Variants in DLGAP2 observed in about 807,000 individuals in gnomAD.
The protein encoded by DLGAP2 is disks large-associated protein 2.
In DLGAP2, 26 loss-of-function variants were observed where a neutral mutation model predicts 100.3. The ratio of observed to expected loss-of-function variants is 0.26; its 90% confidence interval spans 0.19 to 0.36. The LOEUF (loss-of-function observed/expected upper bound fraction) is 0.36, where lower values mean the gene tolerates loss of function less well. Among genes scored for constraint, DLGAP2 ranks in the 10% least tolerant of loss-of-function variants. The pLI, the probability that DLGAP2 is intolerant of heterozygous loss-of-function variation, is 1.00. For synonymous variants in DLGAP2, 886 were observed against 630.1 expected (o/e 1.41, Z -6.08); for missense variants, 1,858 against 1,453.2 (o/e 1.28, Z -4.53).
intron 1 of DLGAP2, among the ~76,000 whole-genome samples, chr8:837,728 T>A (rs943733158): frequency 4.0e-5 from 6 of 149,124 alleles, no homozygotes; most frequent in Non-Finnish European, 7.4e-5. Flanking sequence ...ATATATAATT[T>A]TTTTTTTAGA....
chr8:1,530,980 A>G (rs1584896498), intron 4 of DLGAP2, among the ~76,000 whole-genome samples: 1 of 152,250 alleles, frequency 6.6e-6, no homozygotes, highest in Admixed American at 6.5e-5. Context: ...GATTCCATAT[A>G]TAAATGGTTA....
rs919583086 is a variant in DLGAP2, at chr8:1,074,103, T to G, written c.73+166137T>G. Among the ~76,000 whole-genome samples, 7 of 136,524 alleles carry G rather than the reference T, an allele frequency of 5.1e-5. 1 individual carries two copies. The highest frequency in any genetic ancestry group is 2.3e-4 in the African/African-American group (7 of 30,990). The allele number at this position is 136,524 out of a possible 152,430, so 89.6% of individuals were successfully genotyped here. A position where few individuals can be genotyped will look rare whatever the true frequency, so the allele number is the denominator to read the frequency against. On this transcript the variant is annotated intron_variant, in intron 2 of 14. Coordinates refer to ENST00000637795, the MANE Select transcript of DLGAP2 (RefSeq NM_001346810.2). ...AGGCTGAACTCACCCAGGTACATATTCAGGATTCACTGTCACAGAAGGGTT... is the reference window on the plus strand; with the variant it reads ...AGGCTGAACTCACCCAGGTACATATGCAGGATTCACTGTCACAGAAGGGTT...
intron 3 of DLGAP2, among the ~76,000 whole-genome samples, chr8:1,306,074 C>CAAAAAAAAAAAAAAAAAAAAA (rs61647224): frequency 1.7e-5 from 2 of 116,446 alleles, no homozygotes; most frequent in African/African-American, 3.1e-5. Context: ...AGAAATTAGG[C>CAAAAAAAAAAAAAAAAAAAAA]AAAAAAAAAA....
Position 1,706,930 on chromosome 8 carries a change from C to G in DLGAP2, c.*5524C>G, listed in dbSNP as rs1197713792. ...GGAAACAGCCGTCTTTCATCCTTGC[C>G]ACATTGAAAAATGTCCACAATTTTA... On this transcript the variant is annotated 3_prime_UTR_variant, in exon 15 of 15. Coordinates refer to ENST00000637795, the MANE Select transcript of DLGAP2 (RefSeq NM_001346810.2). The G allele has an allele frequency of 1.3e-5, 2 of 152,402 alleles. No homozygotes were observed. The highest frequency in any genetic ancestry group is 3.9e-4 in the East Asian group (2 of 5,194). 9.4% of individuals were successfully genotyped at this position (152,402 alleles called of 1,614,324 possible). A position where few individuals can be genotyped will look rare whatever the true frequency, so the allele number is the denominator to read the frequency against.
At chr8:1,244,536 A>G (rs1798865186) in intron 2 of DLGAP2, among the ~76,000 whole-genome samples, 1 of 152,234 alleles carries the variant, frequency 6.6e-6, no homozygotes, top group African/African-American at 2.4e-5. Context: ...ATTTGCAACA[A>G]ATCTAAAGAA....
chr8:1,501,306 G>A (rs1318860579), intron 3 of DLGAP2, 60 bp from the exon 4 acceptor site: 1 of 1,503,522 alleles, frequency 6.7e-7, no homozygotes. Flanking sequence ...GATGTGCAGG[G>A]AATGACTGCA....
intron 1 of DLGAP2, among the ~76,000 whole-genome samples, chr8:742,645 G>A (rs1820515820): frequency 6.6e-6 from 1 of 151,944 alleles, no homozygotes; most frequent in African/African-American, 2.4e-5. Context: ...AGTAGTTGGT[G>A]TATGTCACCG....
intron 6 of DLGAP2, among the ~76,000 whole-genome samples, chr8:1,617,502 C>T: frequency 6.6e-6 from 1 of 152,100 alleles, no homozygotes; most frequent in Non-Finnish European, 1.5e-5. Flanking sequence ...TTTTCATGTG[C>T]TTGTTGGCCA....
chr8:1,676,651 C>G, intron 11 of DLGAP2, 33 bp downstream of exon 11: 2 of 1,586,296 alleles, frequency 1.3e-6, no homozygotes, highest in Non-Finnish European at 1.7e-6. Flanking sequence ...GCGGTGACCC[C>G]CGAGCGAGGG....
intron 3 of DLGAP2, among the ~76,000 whole-genome samples, chr8:1,485,783 G>C (rs1799221014): frequency 6.6e-6 from 1 of 152,184 alleles, no homozygotes; most frequent in African/African-American, 2.4e-5. Context: ...CCAGCACTTT[G>C]GGAGGCTGAG....
chr8:896,554 G>C (rs1359386096), intron 1 of DLGAP2, among the ~76,000 whole-genome samples: 3 of 152,150 alleles, frequency 2.0e-5, no homozygotes, highest in African/African-American at 7.2e-5. Flanking sequence ...TCCCCAGTGG[G>C]ATGGTGCTTG....
chr8:882,262 GGCACCC>G (rs1797816753), intron 1 of DLGAP2, among the ~76,000 whole-genome samples: 2 of 149,242 alleles, frequency 1.3e-5, no homozygotes, highest in Admixed American at 6.7e-5. Context: ...CTCTCCTGCG[GGCACCC>G]GTGCCTGGCC....
chr8:1,280,215 G>A (rs1397202422), intron 3 of DLGAP2, among the ~76,000 whole-genome samples: 1 of 152,094 alleles, frequency 6.6e-6, no homozygotes, highest in Non-Finnish European at 1.5e-5. Flanking sequence ...TTCTTCATCA[G>A]CCAATTTGAT....
intron 3 of DLGAP2, among the ~76,000 whole-genome samples, chr8:1,425,553 C>T (rs527987479): frequency 6.6e-6 from 1 of 152,152 alleles, no homozygotes; most frequent in Non-Finnish European, 1.5e-5. Context: ...CCCCAGAAGG[C>T]GTTCCTCTGG....
chr8:955,623 A>C (rs1205297080), intron 2 of DLGAP2, among the ~76,000 whole-genome samples: 1 of 152,162 alleles, frequency 6.6e-6, no homozygotes, highest in East Asian at 1.9e-4. Context: ...TTGGAGTGAC[A>C]GTGCTCCGTT....
chr8:748,372 G>A (rs865793157), intron 1 of DLGAP2, among the ~76,000 whole-genome samples: 3 of 152,038 alleles, frequency 2.0e-5, no homozygotes, highest in South Asian at 4.1e-4. Flanking sequence ...CCAAGACTGA[G>A]GTCCACAGAG....
intron 4 of DLGAP2, among the ~76,000 whole-genome samples, chr8:1,523,752 C>T (rs933506661): frequency 2.6e-5 from 4 of 152,204 alleles, no homozygotes; most frequent in African/African-American, 7.2e-5. Context: ...TGTGCTCCTT[C>T]GTTACATCCC....
intron 3 of DLGAP2, among the ~76,000 whole-genome samples, chr8:1,383,702 A>G (rs1796146304): frequency 6.6e-6 from 1 of 152,160 alleles, no homozygotes. Flanking sequence ...TCTTCTCTGT[A>G]AGGTCAGTGA....
chr8:1,663,512 A>G (rs1798467771), intron 8 of DLGAP2, among the ~76,000 whole-genome samples: 1 of 152,194 alleles, frequency 6.6e-6, no homozygotes, highest in Admixed American at 6.5e-5. Flanking sequence ...TCACATGATG[A>G]CATGCTTTCA....
Sources: gnomAD v4.1 joint callset for allele counts (sites outside exome capture counted in the v4.1 genomes callset) on GRCh38, gnomAD v4.1.1 for gene constraint, MANE v1.5 for transcripts, NCBI Gene and HGNC (gene_info 2026-07-23, HGNC 2026-07-21) for gene names.